The following ZMIZ1 variants were observed in gnomAD, a reference collection of about 807,000 sequenced individuals.
ZMIZ1 encodes zinc finger MIZ domain-containing protein 1.
Under a neutral mutation model 113.9 loss-of-function variants are expected in ZMIZ1, and 17 were observed. That is an observed-to-expected ratio of 0.15 (90% CI 0.10 to 0.22). The LOEUF is 0.22. ZMIZ1 is among the 10% of genes least tolerant of loss of function. The pLI is 1.00. For synonymous variants in ZMIZ1, 607 were observed against 603.1 expected (o/e 1.01, Z -0.09); for missense variants, 1,059 against 1,477.8 (o/e 0.72, Z 4.65).
At chr10:79,229,685 T>G (rs954999144) in intron 7 of ZMIZ1, among the ~76,000 whole-genome samples, 1 of 152,202 alleles carries the variant, frequency 6.6e-6, no homozygotes, top group Non-Finnish European at 1.5e-5. Context: ...GTTTAGACTC[T>G]GTGATCCGTA....
chr10:79,277,857 G>A (rs947974515), intron 8 of ZMIZ1, among the ~76,000 whole-genome samples: 2 of 152,256 alleles, frequency 1.3e-5, no homozygotes, highest in African/African-American at 4.8e-5. Flanking sequence ...CACGTGGCCA[G>A]GACTGGCAAT....
intron 3 of ZMIZ1, among the ~76,000 whole-genome samples, chr10:79,160,650 C>T (rs554851500): frequency 7.9e-5 from 12 of 152,386 alleles, no homozygotes; most frequent in African/African-American, 2.4e-4. Context: ...GCCTCTCAAT[C>T]ACCAGGCCTC....
intron 7 of ZMIZ1, among the ~76,000 whole-genome samples, chr10:79,273,336 T>C (rs1199940074): frequency 2.0e-5 from 3 of 147,664 alleles, no homozygotes; most frequent in African/African-American, 8.0e-5. Context: ...CCCTCCTGCT[T>C]CTTGGTTTCT....
chr10:79,215,302 CTT>C (rs57758020), intron 6 of ZMIZ1, among the ~76,000 whole-genome samples: 5 of 140,068 alleles, frequency 3.6e-5, no homozygotes, highest in Admixed American at 7.1e-5. Context: ...TAAATCACCG[CTT>C]TTTTTTTTTT....
chr10:79,181,353 G>T (rs924619232), intron 4 of ZMIZ1, among the ~76,000 whole-genome samples: 1 of 152,248 alleles, frequency 6.6e-6, no homozygotes, highest in Non-Finnish European at 1.5e-5. Context: ...GAGCGGCTGG[G>T]CAGATGCAGT....
At chr10:79,293,305 C>T (rs1374407859) in intron 11 of ZMIZ1, 76 bp from the exon 12 acceptor site, 28 of 1,462,050 alleles carry the variant, frequency 1.9e-5, no homozygotes, top group Middle Eastern at 1.8e-4. Context: ...ACCCTTCCCT[C>T]CCTGCACTTT....
At chr10:79,254,439 C>T (rs1286554476) in intron 7 of ZMIZ1, among the ~76,000 whole-genome samples, 1 of 152,252 alleles carries the variant, frequency 6.6e-6, no homozygotes, top group African/African-American at 2.4e-5. Flanking sequence ...CCCCATAAGC[C>T]GGGCTGGACG....
intron 4 of ZMIZ1, among the ~76,000 whole-genome samples, chr10:79,165,476 C>T (rs918190173): frequency 1.3e-5 from 2 of 151,940 alleles, no homozygotes; most frequent in Non-Finnish European, 2.9e-5. Flanking sequence ...TAAGTGTGTG[C>T]GTAGTAGCGT....
intron 4 of ZMIZ1, among the ~76,000 whole-genome samples, chr10:79,168,203 A>C (rs976173471): frequency 6.6e-6 from 1 of 152,212 alleles, no homozygotes; most frequent in Admixed American, 6.5e-5. Context: ...GCAGGGAGTC[A>C]TGGAAGGTTC....
At chr10:79,074,861 G>A (rs1842414803) in intron 1 of ZMIZ1, among the ~76,000 whole-genome samples, 1 of 152,260 alleles carries the variant, frequency 6.6e-6, no homozygotes, top group African/African-American at 2.4e-5. Context: ...GCCCAGCCTG[G>A]CACACCTGTG....
intron 4 of ZMIZ1, among the ~76,000 whole-genome samples, chr10:79,197,611 TACACACACAC>T (rs71482719): frequency 2.2e-5 from 2 of 89,992 alleles, no homozygotes; most frequent in Non-Finnish European, 2.7e-5. Context: ...CACACACACA[TACACACACAC>T]ACACACACAC....
chr10:79,208,546 G>A, intron 6 of ZMIZ1, 97 bp downstream of exon 6: 1 of 1,027,456 alleles, frequency 9.7e-7, no homozygotes, highest in South Asian at 1.5e-5. Context: ...CAGACATTGG[G>A]AGGTGACACC....
Position 79,314,082 on chromosome 10 carries a change from C to T in ZMIZ1, c.*1333C>T, listed in dbSNP as rs1429037338. ...GCCAGCCTACCCTGCCTGCACTCCTCCACCATCACAATCTCACCCAAACTC... is the reference window on the plus strand; with the variant it reads ...GCCAGCCTACCCTGCCTGCACTCCTTCACCATCACAATCTCACCCAAACTC... On this transcript the variant is annotated 3_prime_UTR_variant, in exon 25 of 25. Coordinates refer to ENST00000334512, the MANE Select transcript of ZMIZ1 (RefSeq NM_020338.4). 2.2e-6 allele frequency: 1 copy of T among 456,856 alleles called. No individual in the cohort carries two copies. The highest frequency in any genetic ancestry group is 4.4e-6 in the Non-Finnish European group (1 of 227,002). The allele number at this position is 456,856 out of a possible 1,614,324, so 28.3% of individuals were successfully genotyped here.
chr10:79,169,355 C>T (rs920811446), intron 4 of ZMIZ1, among the ~76,000 whole-genome samples: 16 of 152,238 alleles, frequency 1.1e-4, no homozygotes, highest in African/African-American at 3.9e-4. Context: ...CAGTTGCCTC[C>T]TGCCCGGCAG....
At chr10:79,165,635 C>T (rs1846295712) in intron 4 of ZMIZ1, among the ~76,000 whole-genome samples, 1 of 152,222 alleles carries the variant, frequency 6.6e-6, no homozygotes, top group African/African-American at 2.4e-5. Context: ...CCTGGGGGGC[C>T]CTGACCACAG....
rs1172118493 is a variant in ZMIZ1, at chr10:79,313,128, A to G, written c.*379A>G. On this transcript the variant is annotated 3_prime_UTR_variant, in exon 25 of 25. Coordinates refer to ENST00000334512, the MANE Select transcript of ZMIZ1 (RefSeq NM_020338.4). ...CTTCCAGTGTCCCCAAGGTTCTTCC[A>G]TCTTCTAGACTGTAACCCTGCCTCC... The G allele has an allele frequency of 9.1e-6, 2 of 219,642 alleles. No homozygotes were observed. The highest frequency in any genetic ancestry group is 9.2e-6 in the Non-Finnish European group (1 of 108,750). 13.6% of individuals were successfully genotyped at this position (219,642 alleles called of 1,614,324 possible). A position where few individuals can be genotyped will look rare whatever the true frequency, so the allele number is the denominator to read the frequency against.
At chr10:79,093,208 G>A (rs1296624683) in intron 1 of ZMIZ1, among the ~76,000 whole-genome samples, 2 of 148,572 alleles carry the variant, frequency 1.3e-5, no homozygotes, top group Non-Finnish European at 3.0e-5. Context: ...TCTCTGCACT[G>A]TGCCATGCAG....
At chr10:79,138,060 G>A (rs1845092076) in intron 2 of ZMIZ1, among the ~76,000 whole-genome samples, 1 of 152,232 alleles carries the variant, frequency 6.6e-6, no homozygotes, top group Non-Finnish European at 1.5e-5. Context: ...TTCTCAGCGG[G>A]AGGGGCAGGC....
chr10:79,076,069 G>A (rs1842464689), intron 1 of ZMIZ1, among the ~76,000 whole-genome samples: 1 of 152,186 alleles, frequency 6.6e-6, no homozygotes, highest in Non-Finnish European at 1.5e-5. Flanking sequence ...TGACTCTGGG[G>A]TTTGAATTCC....
Sources: allele counts gnomAD v4.1 joint callset (sites outside exome capture counted in the v4.1 genomes callset), GRCh38; gene constraint gnomAD v4.1.1; transcripts MANE v1.5; gene names NCBI Gene and HGNC (gene_info 2026-07-23, HGNC 2026-07-21).